The following CCDC3 variants were observed in gnomAD, a reference collection of about 807,000 sequenced individuals.
CCDC3 encodes the protein coiled-coil domain containing 3, also known as coiled-coil domain-containing protein 3.
Under a neutral mutation model 21.4 loss-of-function variants are expected in CCDC3, and 24 were observed. That is an observed-to-expected ratio of 1.12 (90% CI 0.81 to 1.58). The LOEUF (loss-of-function observed/expected upper bound fraction) is 1.58. Among genes scored for constraint, CCDC3 ranks in the 40% most tolerant of loss-of-function variants. The pLI, the probability that CCDC3 is intolerant of heterozygous loss-of-function variation, is 0.00. For missense variants in CCDC3, 425 were observed against 360.9 expected, an observed-to-expected ratio of 1.18 and a Z score of -1.44; for synonymous variants, 186 against 166.0, an observed-to-expected ratio of 1.12 and a Z score of -0.93.
intron 2 of CCDC3, among the ~76,000 whole-genome samples, chr10:12,983,574 G>GA (rs552370690): frequency 0.01 from 714 of 71,132 alleles, 3 homozygotes; most frequent in Middle Eastern, 0.016. Context: ...CCTCTCTCAA[G>GA]AAAAAAAAAA....
intron 2 of CCDC3, among the ~76,000 whole-genome samples, chr10:12,923,983 T>TAG (rs1165741522): frequency 6.6e-6 from 1 of 152,204 alleles, no homozygotes; most frequent in Non-Finnish European, 1.5e-5. Flanking sequence ...TCACCTTTGA[T>TAG]AGGTGAATGA....
upstream of CCDC3, among the ~76,000 whole-genome samples, chr10:13,006,676 T>A (rs180687310): frequency 8.0e-4 from 122 of 152,324 alleles, no homozygotes; most frequent in African/African-American, 2.8e-3. Context: ...TCAACTTTGG[T>A]CCCTTTGGAG....
At chr10:13,075,369 A>G (rs1836950215) in intron 3 of CCDC3, among the ~76,000 whole-genome samples, 1 of 152,212 alleles carries the variant, frequency 6.6e-6, no homozygotes, top group Non-Finnish European at 1.5e-5. Flanking sequence ...TTTAAACGAA[A>G]TAATAAGTGA....
chr10:12,901,781 C>T lies in CCDC3; in HGVS notation c.550-3102G>A, dbSNP rs79654569. Among the ~76,000 whole-genome samples the T allele has an allele frequency of 9.2e-3, 1,401 of 152,290 alleles. 20 individuals are homozygous for T. The highest frequency in any genetic ancestry group is 0.032 in the African/African-American group (1,338 of 41,542). ...AGCCTTTAACTTTTGTGATTGGACCCGGCCAACATCTCCAGTCTTAGTGTT... is the reference window on the plus strand; with the variant it reads ...AGCCTTTAACTTTTGTGATTGGACCTGGCCAACATCTCCAGTCTTAGTGTT... On this transcript the variant is annotated intron_variant, in intron 2 of 2. Transcript: ENST00000378825.
At chr10:13,052,524 A>C (rs2131426011) in intron 4 of CCDC3, among the ~76,000 whole-genome samples, 1 of 152,342 alleles carries the variant, frequency 6.6e-6, no homozygotes, top group East Asian at 1.9e-4. Flanking sequence ...TGCAGCTTAG[A>C]TTAGAAAGCA....
At chr10:13,003,393 C>T (rs1835889619), upstream of CCDC3, among the ~76,000 whole-genome samples, 1 of 152,164 alleles carries the variant, frequency 6.6e-6, no homozygotes. Context: ...TACAAGTTGA[C>T]CAAGCTAGGA....
At chr10:12,932,904 A>G (rs1834671177) in intron 2 of CCDC3, among the ~76,000 whole-genome samples, 2 of 152,158 alleles carry the variant, frequency 1.3e-5, no homozygotes, top group Non-Finnish European at 2.9e-5. Context: ...CTTTTTCTCC[A>G]TCTATTGATA....
chr10:13,070,935 C>T (rs73573841), intron 4 of CCDC3, among the ~76,000 whole-genome samples: 36 of 152,214 alleles, frequency 2.4e-4, no homozygotes, highest in African/African-American at 4.3e-4. Context: ...ACATTTTAGA[C>T]GAACCCTGCT....
rs181077620 is a variant in CCDC3, at chr10:12,976,669, A to C, written c.549+21669T>G. On this transcript the variant is annotated intron_variant, in intron 2 of 2. Transcript: ENST00000378825. ...ATAGGCCCTGTCCAATATGCAGAAT[A>C]ATTTAATTCTTGCTGAAAATCCAGT... is the stretch of plus-strand genomic sequence containing the variant. 3.3e-5 allele frequency among the ~76,000 whole-genome samples: 5 copies of C among 152,342 alleles called. No individual in the cohort carries two copies. In the East Asian group the frequency reaches 9.7e-4, roughly 29 times the overall value.
chr10:12,910,786 G>T (rs1173468314), intron 2 of CCDC3, among the ~76,000 whole-genome samples: 1 of 151,752 alleles, frequency 6.6e-6, no homozygotes, highest in South Asian at 2.1e-4. Context: ...GTAGAGGCAG[G>T]GTTTCACCAT....
At chr10:13,028,884 A>C (rs546460244) in intron 5 of CCDC3, among the ~76,000 whole-genome samples, 6 of 152,288 alleles carry the variant, frequency 3.9e-5, no homozygotes, top group African/African-American at 1.4e-4. Context: ...ACTGGAACTG[A>C]CCTGAGGACA....
At chr10:12,928,308 C>G (rs1371782150) in intron 2 of CCDC3, among the ~76,000 whole-genome samples, 1 of 152,080 alleles carries the variant, frequency 6.6e-6, no homozygotes, top group Non-Finnish European at 1.5e-5. Context: ...TTCAAAAAGC[C>G]CCAGGCACAA....
intron 2 of CCDC3, among the ~76,000 whole-genome samples, chr10:12,997,832 G>A (rs1277993577): frequency 6.6e-6 from 1 of 152,116 alleles, no homozygotes; most frequent in African/African-American, 2.4e-5. Context: ...CATAGATCAG[G>A]GGTGTCCAAT....
intron 5 of CCDC3, among the ~76,000 whole-genome samples, chr10:13,044,688 G>A (rs1290624759): frequency 6.6e-6 from 1 of 151,954 alleles, no homozygotes. Context: ...TTCTCTATTC[G>A]GTTCCATTGG....
intron 2 of CCDC3, among the ~76,000 whole-genome samples, chr10:12,959,547 T>G (rs1300573528): frequency 6.6e-6 from 1 of 152,114 alleles, no homozygotes; most frequent in African/African-American, 2.4e-5. Context: ...CAATTACTAA[T>G]TACCCAAATA....
chr10:12,998,378 G>T lies in CCDC3; in HGVS notation c.509C>A (p.Ala170Glu), dbSNP rs144679549. The stretch of plus-strand genomic sequence containing the variant: ...GATTTCCCAGTCACTGGAGAAAGTC[G>T]CCAGCTGCTGCCCTTGCGAACAGTT... ...FSNCSQGQQLATFSSDWEIQE... is the reference protein window; with the variant it reads ...FSNCSQGQQLETFSSDWEIQE... Residue 170 changes from alanine to glutamate, a missense_variant, in exon 2 of 3, where the codon GCG becomes GAG. Physicochemically the swap from Ala to Glu is moderately radical, Grantham distance 107. Coordinates refer to ENST00000378825, the MANE Select transcript of CCDC3 (RefSeq NM_031455.4). The T allele has an allele frequency of 3.7e-6, 6 of 1,614,056 alleles. No individual in the cohort carries two copies. In the East Asian group the frequency reaches 1.1e-4, roughly 30 times the overall value.
At chr10:12,997,443 T>A (rs145314216) in intron 2 of CCDC3, among the ~76,000 whole-genome samples, 2 of 152,324 alleles carry the variant, frequency 1.3e-5, no homozygotes, top group South Asian at 2.1e-4. Context: ...AGAGTGATGA[T>A]CATCAAAATG....
At chr10:13,098,710 A>ATGTTTTTTTTT (rs1832666637) in intron 2 of CCDC3, 1 of 64,854 alleles carries the variant, frequency 1.5e-5, no homozygotes. Context: ...TCCTGCACTG[A>ATGTTTTTTTTT]TTTTTTTTTT....
chr10:13,039,417 T>A (rs1836420329), intron 5 of CCDC3, among the ~76,000 whole-genome samples: 1 of 135,252 alleles, frequency 7.4e-6, no homozygotes, highest in South Asian at 2.2e-4. Context: ...AACAAGACTC[T>A]GTCTCAAAAA....
Sources: allele counts gnomAD v4.1 joint callset (sites outside exome capture counted in the v4.1 genomes callset), GRCh38; gene constraint gnomAD v4.1.1; transcripts MANE v1.5; gene names NCBI Gene and HGNC (gene_info 2026-07-23, HGNC 2026-07-21).